ARHGAP10: variants seen among roughly 807,000 people sequenced by gnomAD.
The protein encoded by ARHGAP10 is Rho GTPase activating protein 10.
In ARHGAP10, 87 loss-of-function variants were observed where a neutral mutation model predicts 108.6. The observed-to-expected ratio is 0.80, with a 90% CI of 0.67 to 0.96. The LOEUF is 0.96. ARHGAP10 is among the 40% of genes least tolerant of loss of function. The pLI is 0.00. For synonymous variants in ARHGAP10, 347 were observed against 341.1 expected, an observed-to-expected ratio of 1.02 and a Z score of -0.19; for missense variants, 939 against 954.5, an observed-to-expected ratio of 0.98 and a Z score of 0.21.
intron 1 of ARHGAP10, among the ~76,000 whole-genome samples, chr4:147,740,291 C>T (rs1228260318): frequency 6.6e-6 from 1 of 152,142 alleles, no homozygotes; most frequent in Non-Finnish European, 1.5e-5. Context: ...CTCCTGACCT[C>T]AGTGAATTCA....
At chr4:147,898,448 A>C (rs1441454647) in intron 10 of ARHGAP10, among the ~76,000 whole-genome samples, 1 of 151,702 alleles carries the variant, frequency 6.6e-6, no homozygotes, top group East Asian at 1.9e-4. Context: ...CTTTTTAAAT[A>C]ATTTTTATGA....
At chr4:147,890,870 G>GA (rs1203154212) in intron 10 of ARHGAP10, among the ~76,000 whole-genome samples, 11 of 151,836 alleles carry the variant, frequency 7.2e-5, no homozygotes, top group Non-Finnish European at 1.2e-4. Flanking sequence ...ATAAACACAT[G>GA]AAAAAATGCT....
intron 3 of ARHGAP10, among the ~76,000 whole-genome samples, chr4:147,845,483 G>A (rs563031985): frequency 6.6e-6 from 1 of 152,122 alleles, no homozygotes; most frequent in African/African-American, 2.4e-5. Context: ...TATTAAGATG[G>A]CAACTTTGGA....
At chr4:147,852,704 CTTTTTTTTT>C (rs869139032) in intron 4 of ARHGAP10, among the ~76,000 whole-genome samples, 3 of 105,558 alleles carry the variant, frequency 2.8e-5, no homozygotes, top group African/African-American at 1.1e-4. Context: ...CATCACCAAA[CTTTTTTTTT>C]TTTTTTTTTT....
chr4:147,765,654 G>A (rs966238947), intron 1 of ARHGAP10, among the ~76,000 whole-genome samples: 16 of 152,068 alleles, frequency 1.1e-4, no homozygotes, highest in Admixed American at 2.6e-4. Context: ...ACAAAAATTA[G>A]CTGGGTGTGG....
rs374381787 is a variant in ARHGAP10, at chr4:147,922,965, C to T, written c.1228+9826C>T. Among the ~76,000 whole-genome samples, 36 of 152,286 alleles carry T rather than the reference C, an allele frequency of 2.4e-4. No individual in the cohort carries two copies. The South Asian group carries it at 7.3e-3, about 31-fold the overall frequency. On this transcript the variant is annotated intron_variant, in intron 13 of 22. Transcript: ENST00000336498. ...TGTCTTATTTATCCTTTGCTTGCCTCTTCTCATTTCTAAATACAGGCATGC... is the reference window on the plus strand; with the variant it reads ...TGTCTTATTTATCCTTTGCTTGCCTTTTCTCATTTCTAAATACAGGCATGC...
intron 7 of ARHGAP10, among the ~76,000 whole-genome samples, chr4:147,870,267 TAGTC>T (rs1306906649): frequency 6.6e-6 from 1 of 152,190 alleles, no homozygotes; most frequent in Non-Finnish European, 1.5e-5. Context: ...TTCACCGTGT[TAGTC>T]AGGATGGTCT....
At chr4:147,887,905 C>A (rs1463962744) in intron 10 of ARHGAP10, among the ~76,000 whole-genome samples, 1 of 151,444 alleles carries the variant, frequency 6.6e-6, no homozygotes, top group African/African-American at 2.4e-5. Flanking sequence ...TCCCTCTTCT[C>A]TTTTGAGCTG....
intron 3 of ARHGAP10, among the ~76,000 whole-genome samples, chr4:147,837,873 G>A (rs1733241920): frequency 6.6e-6 from 1 of 151,824 alleles, no homozygotes; most frequent in South Asian, 2.1e-4. Flanking sequence ...GTTCCTGTAT[G>A]TGCCTGATTG....
At chr4:147,912,708 G>T (rs1188683754) in intron 12 of ARHGAP10, among the ~76,000 whole-genome samples, 4 of 127,494 alleles carry the variant, frequency 3.1e-5, no homozygotes, top group Non-Finnish European at 6.2e-5. Context: ...CAGTGCAGTG[G>T]TATGATCATA....
At chr4:147,968,219 C>T (rs940721590) in intron 18 of ARHGAP10, among the ~76,000 whole-genome samples, 1 of 152,170 alleles carries the variant, frequency 6.6e-6, no homozygotes, top group African/African-American at 2.4e-5. Context: ...GAGTGCTGTT[C>T]TCAATAGGAC....
chr4:148,042,729 T>C (rs1301275303), intron 19 of ARHGAP10, among the ~76,000 whole-genome samples: 4 of 152,224 alleles, frequency 2.6e-5, no homozygotes, highest in African/African-American at 9.6e-5. Context: ...GGTTAGGGAC[T>C]GCTTGTCTGC....
At chr4:148,046,800 G>C in intron 19 of ARHGAP10, 92 bp from the exon 20 acceptor site, 3 of 1,262,436 alleles carry the variant, frequency 2.4e-6, no homozygotes, top group Non-Finnish European at 3.3e-6. Context: ...TTTATCATTT[G>C]ATTGACTAAT....
intron 14 of ARHGAP10, among the ~76,000 whole-genome samples, chr4:147,943,706 T>A (rs905322652): frequency 6.6e-6 from 1 of 152,246 alleles, no homozygotes; most frequent in Non-Finnish European, 1.5e-5. Flanking sequence ...GTTTTTATCT[T>A]TCTTATGGTA....
chr4:147,762,696 AT>A (rs368875432), intron 1 of ARHGAP10, among the ~76,000 whole-genome samples: 1 of 150,316 alleles, frequency 6.7e-6, no homozygotes, highest in Non-Finnish European at 1.5e-5. Context: ...CGCCCGGCTA[AT>A]TTTTTTTGTA....
chr4:147,956,991 G>C (rs1343092620), intron 16 of ARHGAP10, among the ~76,000 whole-genome samples: 2 of 152,122 alleles, frequency 1.3e-5, no homozygotes, highest in East Asian at 1.9e-4. Context: ...AGTTTAAAGA[G>C]TTTGTTGAAG....
intron 3 of ARHGAP10, among the ~76,000 whole-genome samples, chr4:147,836,514 G>C (rs747948007): frequency 6.6e-5 from 10 of 152,148 alleles, no homozygotes; most frequent in Non-Finnish European, 1.5e-4. Flanking sequence ...GTCGTCTTTG[G>C]TCTGAAAGAA....
rs115772146 is a variant in ARHGAP10 at position 147,888,433 on chromosome 4, G to A, written c.1034+6501G>A. ...TCCAATAAGTCTTGGGAGTGGGAGT[G>A]GGGGTAGTTACATTCCTCTAACATG... On this transcript the variant is annotated intron_variant, in intron 10 of 22. Transcript: ENST00000336498. Among the ~76,000 whole-genome samples, 584 of 152,132 alleles carry A rather than the reference G, an allele frequency of 3.8e-3. 2 individuals carry two copies. The highest frequency in any genetic ancestry group is 0.012 in the African/African-American group (501 of 41,486).
intron 9 of ARHGAP10, among the ~76,000 whole-genome samples, chr4:147,880,448 T>G (rs1462504110): frequency 1.3e-5 from 2 of 152,220 alleles, no homozygotes; most frequent in Non-Finnish European, 2.9e-5. Context: ...GCATCAGGTT[T>G]GAGACTGAGT....
Sources: gnomAD v4.1 joint callset for allele counts (sites outside exome capture counted in the v4.1 genomes callset) on GRCh38, gnomAD v4.1.1 for gene constraint, MANE v1.5 for transcripts, NCBI Gene and HGNC (gene_info 2026-07-23, HGNC 2026-07-21) for gene names.